CARD9: variants seen among roughly 807,000 people sequenced by gnomAD.
CARD9 encodes caspase recruitment domain family member 9.
CARD9 carries 53 observed loss-of-function variants against 66.0 expected under a neutral mutation model. The observed-to-expected ratio is 0.80, with a 90% CI of 0.64 to 1.01. The LOEUF is 1.01. Among genes scored for constraint, CARD9 ranks in the 50% least tolerant of loss-of-function variants. The pLI, the probability that CARD9 is intolerant of heterozygous loss-of-function variation, is 0.00. For missense variants in CARD9, 769 were observed against 743.2 expected (o/e 1.03, Z -0.40); for synonymous variants, 387 against 313.8 (o/e 1.23, Z -2.47).
chr9:136,367,826 GGCCTGAC>G lies in CARD9; in HGVS notation c.1078-5_1079del. ...CGTGCAGCTCCTCCCGCGTGGCTAT[GGCCTGAC>G]GGGACAGCACAAGGCCGACCCTCAG... On this transcript the variant is annotated splice_acceptor_variant and splice_polypyrimidine_tract_variant and coding_sequence_variant and intron_variant, in exon 8 of 13. Coordinates refer to ENST00000371732, the MANE Select transcript of CARD9 (RefSeq NM_052813.5). LOFTEE classifies it high-confidence loss of function. The G allele has an allele frequency of 1.3e-6, 2 of 1,598,812 alleles. No homozygotes were observed. Among genetic ancestry groups the G allele is most frequent in the Non-Finnish European group, 1.7e-6 (2 of 1,177,800 alleles).
In CARD9 at chr9:136,364,545, G is replaced by A; in HGVS notation, c.1449C>T (p.Ser483=). The A allele has an allele frequency of 6.5e-7, 1 of 1,538,792 alleles. No homozygotes were observed. The highest frequency in any genetic ancestry group is 8.7e-7 in the Non-Finnish European group (1 of 1,146,784). The change falls in exon 12 of 13, where the codon AGC becomes AGT. Residue 483 remains serine, a synonymous_variant. Transcript: ENST00000371732. ...VLRNPHDAGL[S]SGEPPEKERR... ...GCTCCTTCTCGGGCGGCTCCCCGCT[G>A]CTCAGGCCTGCGTCCTGGAGAAGGG...
In CARD9 at chr9:136,365,475, G is replaced by A. The variant is rs576521459; in HGVS notation, c.1358-258C>T. On this transcript the variant is annotated intron_variant, in intron 10 of 12. Transcript: ENST00000371732. ...CCGCCAGTGACCATCCCTCCCCCGAGCTGGCTGCCTGCCAGGGAGGAACGC... is the reference window on the plus strand; with the variant it reads ...CCGCCAGTGACCATCCCTCCCCCGAACTGGCTGCCTGCCAGGGAGGAACGC... The A allele has an allele frequency of 3.0e-4, 169 of 560,970 alleles. No homozygotes were observed. In the East Asian group the frequency reaches 4.9e-3, roughly 16 times the overall value. The allele number at this position is 560,970 out of a possible 1,614,324, so 34.7% of individuals were successfully genotyped here. A position where few individuals can be genotyped will look rare whatever the true frequency, so the allele number is the denominator to read the frequency against.
chr9:136,367,746 T>TCC lies in CARD9; in HGVS notation c.1158_1159dup (p.Glu387GlyfsTer38). The TCC allele has an allele frequency of 6.2e-7, 1 of 1,605,660 alleles. No homozygotes were observed. Among genetic ancestry groups the TCC allele is most frequent in the Non-Finnish European group, 8.5e-7 (1 of 1,179,568 alleles). ...CAGCTCATCCGCCTTCTCGCCCAGC[T>TCC]CCCGCACCTGCTTGCGCAGCGCGTC... is the stretch of plus-strand genomic sequence containing the variant. On this transcript the variant is annotated frameshift_variant, in exon 8 of 13. Coordinates refer to ENST00000371732, the MANE Select transcript of CARD9 (RefSeq NM_052813.5). LOFTEE classifies it high-confidence loss of function.
Position 136,365,168 on chromosome 9 carries a change from G to T in CARD9, c.1407C>A (p.His469Gln), listed in dbSNP as rs1588719803. Residue 469 changes from histidine to glutamine, a missense_variant, in exon 11 of 13, where the codon CAC becomes CAA. His to Gln is a conservative substitution (Grantham distance 24). Coordinates refer to ENST00000371732, the MANE Select transcript of CARD9 (RefSeq NM_052813.5). ...GSPKQPFAALHQEQVLRNPHD... is the reference protein window; with the variant it reads ...GSPKQPFAALQQEQVLRNPHD... The stretch of plus-strand genomic sequence containing the variant: ...GGGGGTTCCGCAAAACCTGCTCCTG[G>T]TGCAGAGCTGCAAAGGGCTGTTTCG... 6.2e-6 allele frequency: 10 copies of T among 1,611,826 alleles called. No individual in the cohort carries two copies. The Middle Eastern group carries it at 1.2e-3, about 186-fold the overall frequency.
intron 10 of CARD9, chr9:136,366,509 C>A: frequency 3.9e-6 from 2 of 516,080 alleles, no homozygotes; most frequent in Non-Finnish European, 7.0e-6. Flanking sequence ...ACTCTCAGGA[C>A]GGTGGGCCTG....
Position 136,367,631 on chromosome 9 carries a change from G to T in CARD9, c.1269+6C>A. Reference sequence around the variant, plus strand: ...CTCCCCTCCCTGCCGCAGGCCCCAGGCCCACCAGGACGAGCGTCTCCAGCT... The same window carrying T: ...CTCCCCTCCCTGCCGCAGGCCCCAGTCCCACCAGGACGAGCGTCTCCAGCT... On this transcript the variant is annotated splice_donor_region_variant and intron_variant, in intron 8 of 12. Transcript: ENST00000371732. 1 of 1,576,910 alleles carries T rather than the reference G, an allele frequency of 6.3e-7. No individual in the cohort carries two copies. The highest frequency in any genetic ancestry group is 8.6e-7 in the Non-Finnish European group (1 of 1,167,836).
chr9:136,364,429 C>G, intron 12 of CARD9, 28 bp from the exon 13 acceptor site: 1 of 1,542,064 alleles, frequency 6.5e-7, no homozygotes, highest in Non-Finnish European at 8.7e-7. Flanking sequence ...TCAGGCGCGA[C>G]CCGGCTGCCG....
chr9:136,370,575 G>A lies in CARD9; in HGVS notation c.754C>T (p.Gln252Ter). 1.9e-6 allele frequency: 3 copies of A among 1,611,640 alleles called. No homozygotes were observed. The highest frequency in any genetic ancestry group is 2.5e-6 in the Non-Finnish European group (3 of 1,179,578). ...PSQELLWELQ[Q>*]EKALLQARVQ... ...CGGGCCTGGAGCAGGGCCTTCTCCT[G>A]CTGCAGCTCCCACAGCAGCTCCTGG... The change falls in exon 5 of 13, where the codon CAG (glutamine) becomes TAG (stop). Residue 252 changes from glutamine to a stop codon, truncating the protein, a stop_gained. Coordinates refer to ENST00000371732, the MANE Select transcript of CARD9 (RefSeq NM_052813.5). LOFTEE classifies it high-confidence loss of function.
intron 4 of CARD9, 69 bp from the exon 5 acceptor site, chr9:136,370,770 G>T (rs560748276): frequency 2.5e-6 from 4 of 1,607,584 alleles, no homozygotes; most frequent in Admixed American, 1.7e-5. Flanking sequence ...GGCCACCCCC[G>T]ACCGCCCCGG....
chr9:136,371,269 C>G, intron 3 of CARD9, 55 bp downstream of exon 3: 1 of 1,575,054 alleles, frequency 6.3e-7, no homozygotes, highest in Non-Finnish European at 8.6e-7. Flanking sequence ...CCCAACACCA[C>G]TGCCCGCTCC....
chr9:136,368,585 G>A (rs978935842), intron 7 of CARD9, among the ~76,000 whole-genome samples: 11 of 152,218 alleles, frequency 7.2e-5, no homozygotes, highest in Non-Finnish European at 1.0e-4. Flanking sequence ...GCATTTAGCC[G>A]AAGCAGCAAT....
intron 2 of CARD9, 66 bp from the exon 3 acceptor site, chr9:136,371,527 C>T: frequency 1.4e-6 from 2 of 1,468,100 alleles, no homozygotes; most frequent in Admixed American, 2.0e-5. Flanking sequence ...GGTGGGTGGG[C>T]CTGGGGGCAG....
In CARD9 at chr9:136,371,071, G is replaced by A; in HGVS notation, c.397C>T (p.Leu133=). 2.5e-6 allele frequency: 4 copies of A among 1,612,746 alleles called. No homozygotes were observed. In the African/African-American group the frequency reaches 4.0e-5, roughly 16 times the overall value. ...TCTTTGGAGCTCAGCAGCGCGGTCA[G>A]GTCCTGCACCTTCTTCTGCAGCTTC... ...VMKLQKKVQD[L]TALLSSKDDF... is the part of the protein sequence containing the mutation. The change falls in exon 4 of 13, where the codon CTG becomes TTG. Residue 133 remains leucine (L), a synonymous_variant. Coordinates refer to ENST00000371732, the MANE Select transcript of CARD9 (RefSeq NM_052813.5).
At chr9:136,365,947 G>A (rs1833114764) in intron 10 of CARD9, 2 of 152,424 alleles carry the variant, frequency 1.3e-5, no homozygotes, top group South Asian at 4.1e-4. Context: ...GCCTACATGG[G>A]GGCTTGGCAT....
rs151211588 is a variant in CARD9, at chr9:136,367,816, G to A, written c.1090C>T (p.Arg364Trp). The A allele has an allele frequency of 2.8e-5, 45 of 1,600,364 alleles. No individual in the cohort carries two copies. The highest frequency in any genetic ancestry group is 3.7e-5 in the Non-Finnish European group (44 of 1,178,478). The stretch of plus-strand genomic sequence containing the variant: ...GCGTGCTGTGCGTGCAGCTCCTCCC[G>A]CGTGGCTATGGCCTGACGGGACAGC... The part of the protein sequence containing the change: ...AIERDQAIAT[R>W]EELHAQHARG... Residue 364 changes from arginine to tryptophan, a missense_variant, in exon 8 of 13, where the codon CGG becomes TGG. Physicochemically the swap from Arg to Trp is moderately radical, Grantham distance 101 (BLOSUM62 -3). Transcript: ENST00000371732.
At position 136,371,138 on chromosome 9, in the gene CARD9, G is replaced by C. The variant is rs375434244; in HGVS notation, c.330C>G (p.Ser110=). Residue 110 remains serine, a synonymous_variant, in exon 4 of 13, where the codon TCC becomes TCG. Transcript: ENST00000371732. ...GCAGCTGAGTCAGGCCTGACTCCCC[G>C]GACGCGTCTGTGGGCCAGGCCAGTG... The part of the protein sequence containing the change: ...ARVFSMIIDA[S]GESGLTQLLM... The C allele has an allele frequency of 5.1e-5, 83 of 1,612,068 alleles. No homozygotes were observed. Among genetic ancestry groups the C allele is most frequent in the Non-Finnish European group, 6.7e-5 (79 of 1,179,802 alleles).
At chr9:136,364,592 G>T in intron 11 of CARD9, 33 bp from the exon 12 acceptor site, 1 of 1,530,610 alleles carries the variant, frequency 6.5e-7, no homozygotes, top group Non-Finnish European at 8.8e-7. Context: ...GCTCCGGCCG[G>T]CTCCCCTGAG....
chr9:136,369,871 A>G lies in CARD9; in HGVS notation c.956T>C (p.Met319Thr), dbSNP rs755467048. The G allele has an allele frequency of 9.9e-6, 16 of 1,611,938 alleles. No individual in the cohort carries two copies. The African/African-American group carries it at 1.1e-4, about 11-fold the overall frequency. The change falls in exon 7 of 13, where the codon ATG becomes ACG. Residue 319 changes from methionine to threonine, a missense_variant. Coordinates refer to ENST00000371732, the MANE Select transcript of CARD9 (RefSeq NM_052813.5). ...RQGEARRLRC[M>T]EEKEMFELQC... ...CAGCTCGAACATCTCCTTCTCCTCC[A>G]TGCACTGCAGGGGGCGGCAGCTCAG... is the stretch of plus-strand genomic sequence containing the variant.
intron 10 of CARD9, chr9:136,365,635 G>A (rs1833106778): frequency 9.1e-6 from 2 of 218,846 alleles, no homozygotes; most frequent in East Asian, 1.3e-4. Context: ...TCCTCCTGAA[G>A]TGGGGGCAGG....
Sources: gnomAD v4.1 joint callset for allele counts (sites outside exome capture counted in the v4.1 genomes callset) on GRCh38, gnomAD v4.1.1 for gene constraint, MANE v1.5 for transcripts, NCBI Gene and HGNC (gene_info 2026-07-23, HGNC 2026-07-21) for gene names.